Variants in PALS2 observed in about 807,000 individuals in gnomAD.
PALS2 encodes the protein protein associated with LIN7 2, MAGUK p55 family member.
PALS2 carries 27 observed loss-of-function variants against 61.6 expected under a neutral mutation model. The observed-to-expected ratio is 0.44, with a 90% confidence interval of 0.32 to 0.60. PALS2 has a LOEUF of 0.60. Among genes scored for constraint, PALS2 ranks in the 20% least tolerant of loss-of-function variants. The pLI is 0.05. For synonymous variants in PALS2, 236 were observed against 218.6 expected, an observed-to-expected ratio of 1.08 and a Z score of -0.70; for missense variants, 554 against 639.4, an observed-to-expected ratio of 0.87 and a Z score of 1.44.
At chr7:24,605,642 C>G (rs1193858276) in intron 1 of PALS2, among the ~76,000 whole-genome samples, 1 of 151,872 alleles carries the variant, frequency 6.6e-6, no homozygotes, top group Non-Finnish European at 1.5e-5. Flanking sequence ...GGTCTATAAA[C>G]ACATAAAAAC....
intron 5 of PALS2, among the ~76,000 whole-genome samples, chr7:24,652,591 T>C (rs1385729006): frequency 8.0e-6 from 1 of 125,158 alleles, no homozygotes; most frequent in African/African-American, 3.2e-5. Flanking sequence ...AATTGAGACT[T>C]TTTTTTTTTT....
rs1785342579 is a variant in PALS2, at chr7:24,638,322, C to CTTTTTA, written c.118-3389_118-3388insATTTTT. ...TTTCTCCCTTCAATTTCTGTATTTTCTTTTTTTTTTTTTTTTTTTTTTTTT... is the reference window on the plus strand; with the variant it reads ...TTTCTCCCTTCAATTTCTGTATTTTCTTTTTATTTTTTTTTTTTTTTTTTTTTTTTT... On this transcript the variant is annotated intron_variant, in intron 2 of 11. Transcript: ENST00000222644. 1.7e-4 allele frequency among the ~76,000 whole-genome samples: 2 copies of CTTTTTA among 11,926 alleles called. 1 individual carries two copies. The highest frequency in any genetic ancestry group is 2.0e-3 in the African/African-American group (2 of 984). The allele number at this position is 11,926 out of a possible 152,430, so 7.8% of individuals were successfully genotyped here. A position where few individuals can be genotyped will look rare whatever the true frequency, so the allele number is the denominator to read the frequency against.
chr7:24,626,420 T>C (rs1784745645), intron 2 of PALS2, among the ~76,000 whole-genome samples: 1 of 152,224 alleles, frequency 6.6e-6, no homozygotes, highest in South Asian at 2.1e-4. Context: ...GTAAACCCTA[T>C]ACTTTTGCAT....
intron 5 of PALS2, among the ~76,000 whole-genome samples, chr7:24,657,041 A>C (rs987087048): frequency 2.0e-5 from 3 of 152,118 alleles, no homozygotes; most frequent in African/African-American, 7.2e-5. Context: ...AGTTGTTTGG[A>C]GATTCATTCA....
chr7:24,675,295 C>T (rs1289393638), intron 9 of PALS2, among the ~76,000 whole-genome samples: 1 of 151,914 alleles, frequency 6.6e-6, no homozygotes, highest in Admixed American at 6.6e-5. Context: ...TTAATGTTCA[C>T]AATGTTGAAC....
intron 1 of PALS2, among the ~76,000 whole-genome samples, chr7:24,601,780 G>A (rs1306230752): frequency 6.6e-6 from 1 of 152,018 alleles, no homozygotes; most frequent in East Asian, 1.9e-4. Flanking sequence ...GTTTTTAAAG[G>A]CATCATTGCA....
chr7:24,680,400 A>G lies in PALS2; in HGVS notation c.1326A>G (p.Lys442=), dbSNP rs79531848. 19 of 1,612,076 alleles carry G rather than the reference A, an allele frequency of 1.2e-5. No homozygotes were observed. In the African/African-American group the frequency reaches 1.7e-4, roughly 15 times the overall value. ...CILDVNPQAL[K]VLRTSEFMPY... is the part of the protein sequence containing the mutation. ...ATTATTCTTTTACACAGGCACTGAAAGTATTGAGGACATCAGAGTTTATGC... is the reference window on the plus strand; with the variant it reads ...ATTATTCTTTTACACAGGCACTGAAGGTATTGAGGACATCAGAGTTTATGC... Residue 442 remains lysine (K), a synonymous_variant, in exon 11 of 12, where the codon AAA becomes AAG. Transcript: ENST00000222644.
Position 24,641,879 on chromosome 7 carries a change from C to T in PALS2, c.270+11C>T. Reference sequence around the variant, plus strand: ...GAACCTCACTTCCAGGTAACTTTCCCTATCACTCAACTCTCAAGTTCCCTG... The same window carrying T: ...GAACCTCACTTCCAGGTAACTTTCCTTATCACTCAACTCTCAAGTTCCCTG... On this transcript the variant is annotated intron_variant, in intron 3 of 11. Coordinates refer to ENST00000222644, the MANE Select transcript of PALS2 (RefSeq NM_001303037.2). The T allele has an allele frequency of 6.2e-7, 1 of 1,610,202 alleles. No individual in the cohort carries two copies. Among genetic ancestry groups the T allele is most frequent in the African/African-American group, 1.3e-5 (1 of 74,892 alleles).
At chr7:24,629,380 A>G (rs1784890068) in intron 2 of PALS2, among the ~76,000 whole-genome samples, 1 of 152,224 alleles carries the variant, frequency 6.6e-6, no homozygotes, top group Non-Finnish European at 1.5e-5. Flanking sequence ...AAGACCATAA[A>G]AACCCTAGAA....
intron 2 of PALS2, among the ~76,000 whole-genome samples, chr7:24,625,848 G>A (rs80063013): frequency 0.063 from 9,596 of 152,140 alleles, 352 homozygotes; most frequent in African/African-American, 0.093. Context: ...TGGTAGTTCA[G>A]TATTCCTATA....
At position 24,693,673 on chromosome 7, in the gene PALS2, CT is replaced by C. The variant is rs1788577530; in HGVS notation, c.*6061del. On this transcript the variant is annotated 3_prime_UTR_variant, in exon 12 of 12. Transcript: ENST00000222644. ...TATTTGAAATACAATAAAAATATTTCTTATGTCTCTGTATTCTCTTTTAAAA... is the reference window on the plus strand; with the variant it reads ...TATTTGAAATACAATAAAAATATTTCTATGTCTCTGTATTCTCTTTTAAAA... The C allele has an allele frequency of 6.6e-6, 1 of 152,090 alleles. No individual in the cohort carries two copies. The highest frequency in any genetic ancestry group is 6.6e-5 in the Admixed American group (1 of 15,256). 9.4% of individuals were successfully genotyped at this position (152,090 alleles called of 1,614,324 possible).
intron 1 of PALS2, among the ~76,000 whole-genome samples, 197 bp from the exon 2 acceptor site, chr7:24,623,469 T>A (rs1784608630): frequency 6.6e-6 from 1 of 152,120 alleles, no homozygotes; most frequent in African/African-American, 2.4e-5. Flanking sequence ...AAATCTATCC[T>A]GCTATTAATT....
At chr7:24,622,646 T>C (rs1472517077) in intron 1 of PALS2, among the ~76,000 whole-genome samples, 1 of 151,546 alleles carries the variant, frequency 6.6e-6, no homozygotes, top group Admixed American at 6.6e-5. Context: ...TACTTATTGC[T>C]TTCTAGTCTG....
chr7:24,679,275 A>G lies in PALS2; in HGVS notation c.1259A>G (p.Asp420Gly). 6.2e-7 allele frequency: 1 copy of G among 1,614,098 alleles called. No homozygotes were observed. The highest frequency in any genetic ancestry group is 2.2e-5 in the East Asian group (1 of 44,882). ...GGAAATCTCTATGGAACCAAAATTG[A>G]TTCTATTCTTGAGGTTGTCCAAACT... Reference protein sequence around the residue: ...YEGNLYGTKIDSILEVVQTGR... With the variant: ...YEGNLYGTKIGSILEVVQTGR... Residue 420 changes from aspartate (D) to glycine (G), a missense_variant, in exon 10 of 12, where the codon GAT becomes GGT. By Grantham distance (94) the Asp-to-Gly change is moderately conservative. Coordinates refer to ENST00000222644, the MANE Select transcript of PALS2 (RefSeq NM_001303037.2).
intron 3 of PALS2, among the ~76,000 whole-genome samples, chr7:24,645,053 C>A (rs547044571): frequency 6.6e-6 from 1 of 152,056 alleles, no homozygotes; most frequent in Non-Finnish European, 1.5e-5. Flanking sequence ...TCAGATGCAT[C>A]ATTTGCAAAT....
At chr7:24,653,989 C>T (rs969652448) in intron 5 of PALS2, among the ~76,000 whole-genome samples, 3 of 151,940 alleles carry the variant, frequency 2.0e-5, no homozygotes, top group Admixed American at 1.3e-4. Context: ...ATGAAGCTTC[C>T]AACAGTGAGG....
At chr7:24,668,774 T>C (rs966283989) in intron 9 of PALS2, 114 bp downstream of exon 9, 1 of 1,304,128 alleles carries the variant, frequency 7.7e-7, no homozygotes. Context: ...GTTTTCTTTA[T>C]GGCAGTGAAA....
At position 24,573,545 on chromosome 7, in the gene PALS2, A is replaced by ACCGGGAGCG. The variant is rs1340823597; in HGVS notation, c.-50_-42dup. 5.3e-4 allele frequency: 200 copies of ACCGGGAGCG among 377,972 alleles called. 1 individual carries two copies. Among genetic ancestry groups the ACCGGGAGCG allele is most frequent in the African/African-American group, 3.6e-3 (168 of 46,134 alleles). The allele number at this position is 377,972 out of a possible 1,614,324, so 23.4% of individuals were successfully genotyped here. Reference sequence around the variant, plus strand: ...GGGAGAGCAGCGGCGGCGGGGAGCGACCGGGAGCGGCGGCAGCGGCGGCGC... The same window carrying ACCGGGAGCG: ...GGGAGAGCAGCGGCGGCGGGGAGCGACCGGGAGCGCCGGGAGCGGCGGCAGCGGCGGCGC... On this transcript the variant is annotated 5_prime_UTR_variant, in exon 1 of 12. Transcript: ENST00000222644. The surrounding 1 kb of genome is among the most constrained non-coding windows in gnomAD (Gnocchi z 5.3).
intron 8 of PALS2, among the ~76,000 whole-genome samples, chr7:24,667,972 G>T (rs1319626143): frequency 6.6e-6 from 1 of 151,800 alleles, no homozygotes; most frequent in Non-Finnish European, 1.5e-5. Context: ...AGCCCGATTA[G>T]ACAAATTTTT....
Sources: allele counts gnomAD v4.1 joint callset (sites outside exome capture counted in the v4.1 genomes callset), GRCh38; gene constraint gnomAD v4.1.1; non-coding constraint Gnocchi (gnomAD v3.1); transcripts MANE v1.5; gene names NCBI Gene and HGNC (gene_info 2026-07-23, HGNC 2026-07-21).